The following KCTD20 variants were observed in gnomAD, a reference collection of about 807,000 sequenced individuals.
The protein encoded by KCTD20 is BTB/POZ domain-containing protein KCTD20.
A neutral mutation model predicts 39.6 loss-of-function variants in KCTD20; 30 were observed. The ratio of observed to expected loss-of-function variants is 0.76; its 90% CI spans 0.57 to 1.03. The LOEUF (loss-of-function observed/expected upper bound fraction) is 1.03. Among genes scored for constraint, KCTD20 ranks in the 50% least tolerant of loss-of-function variants. The probability of loss-of-function intolerance (pLI) is 0.00; values close to 1 mark genes in which losing one functional copy is unlikely to be tolerated. For missense variants in KCTD20, 422 were observed against 522.0 expected (o/e 0.81, Z 1.87); for synonymous variants, 162 against 180.6 (o/e 0.90, Z 0.83).
chr6:36,474,196 C>T (rs931742625), intron 2 of KCTD20, among the ~76,000 whole-genome samples: 2 of 151,594 alleles, frequency 1.3e-5, no homozygotes, highest in African/African-American at 4.8e-5. Flanking sequence ...CTAGCATTAG[C>T]TATATCTCCC....
At chr6:36,449,961 G>A (rs747038971) in intron 1 of KCTD20, among the ~76,000 whole-genome samples, 5 of 151,768 alleles carry the variant, frequency 3.3e-5, no homozygotes, top group Non-Finnish European at 5.9e-5. Flanking sequence ...TCAGGAGATC[G>A]AGACCATCAT....
chr6:36,458,601 T>G (rs1037613318), intron 1 of KCTD20, among the ~76,000 whole-genome samples: 1 of 151,286 alleles, frequency 6.6e-6, no homozygotes, highest in Non-Finnish European at 1.5e-5. Flanking sequence ...CAGGCTGGTC[T>G]TGAACTCCTG....
chr6:36,470,092 C>T lies in KCTD20; in HGVS notation c.-6C>T. 6.2e-7 allele frequency: 1 copy of T among 1,610,794 alleles called. No homozygotes were observed. The highest frequency in any genetic ancestry group is 8.5e-7 in the Non-Finnish European group (1 of 1,177,848). ...AAACGGACAGTTCAGGACTCAGAATCTAAGGATGAATGTTCACCGTGGCAG... is the reference window on the plus strand; with the variant it reads ...AAACGGACAGTTCAGGACTCAGAATTTAAGGATGAATGTTCACCGTGGCAG... On this transcript the variant is annotated 5_prime_UTR_variant, in exon 2 of 8. Coordinates refer to ENST00000373731, the MANE Select transcript of KCTD20 (RefSeq NM_173562.5).
rs1237681716 is a variant in KCTD20 at position 36,489,095 on chromosome 6, G to T, written c.*1920G>T. On this transcript the variant is annotated 3_prime_UTR_variant, in exon 8 of 8. Transcript: ENST00000373731. ...TACCAGTTGACTAGCCCAGATAATT[G>T]TTAAATGGTGCTTCTTTTCTGCTTC... The T allele has an allele frequency of 2.6e-5, 4 of 152,634 alleles. No individual in the cohort carries two copies. The highest frequency in any genetic ancestry group is 2.0e-4 in the Admixed American group (3 of 15,278). 9.5% of individuals were successfully genotyped at this position (152,634 alleles called of 1,614,324 possible).
chr6:36,481,594 G>C lies in KCTD20; in HGVS notation c.691G>C (p.Ala231Pro). 2 of 1,614,194 alleles carry C rather than the reference G, an allele frequency of 1.2e-6. No homozygotes were observed. Among genetic ancestry groups the C allele is most frequent in the Non-Finnish European group, 1.7e-6 (2 of 1,180,036 alleles). ...ALLHELSNDGAHKQFDHYLEE... is the reference protein window; with the variant it reads ...ALLHELSNDGPHKQFDHYLEE... ...ACTCCATGAACTGTCTAATGACGGT[G>C]CTCATAAGCAGTTTGATCACTACCT... Residue 231 changes from alanine (A) to proline (P), a missense_variant, in exon 6 of 8, where the codon GCT becomes CCT. Physicochemically the swap from Ala to Pro is conservative, Grantham distance 27 (BLOSUM62 -1). Transcript: ENST00000373731.
At chr6:36,478,903 G>A (rs1776151653) in intron 3 of KCTD20, among the ~76,000 whole-genome samples, 1 of 152,176 alleles carries the variant, frequency 6.6e-6, no homozygotes, top group Non-Finnish European at 1.5e-5. Context: ...ATTCTTCTTT[G>A]TACACAAATG....
intron 6 of KCTD20, among the ~76,000 whole-genome samples, 182 bp from the exon 7 acceptor site, chr6:36,484,532 C>T (rs908087737): frequency 6.6e-6 from 1 of 152,118 alleles, no homozygotes; most frequent in Non-Finnish European, 1.5e-5. Context: ...AGAAAGTCCC[C>T]ACCCTGAGAC....
chr6:36,444,620 T>C (rs1774983397), intron 1 of KCTD20, among the ~76,000 whole-genome samples: 1 of 152,212 alleles, frequency 6.6e-6, no homozygotes, highest in Admixed American at 6.5e-5. Flanking sequence ...ATCTGGTATG[T>C]AGCAGTACTA....
rs1775520575 is a variant in KCTD20 at position 36,458,945 on chromosome 6, T to G, written c.-46-11107T>G. ...GCTTGAGCCTGGGAGTCCAAGTCTG[T>G]TTTTTCTTTTTTTTATACTGACCAC... On this transcript the variant is annotated intron_variant, in intron 1 of 7. Coordinates refer to ENST00000373731, the MANE Select transcript of KCTD20 (RefSeq NM_173562.5). Among the ~76,000 whole-genome samples, 4 of 151,688 alleles carry G rather than the reference T, an allele frequency of 2.6e-5. No homozygotes were observed. In the South Asian group the frequency reaches 8.3e-4, roughly 31 times the overall value.
At chr6:36,455,996 TC>T (rs1775422725) in intron 1 of KCTD20, among the ~76,000 whole-genome samples, 1 of 152,226 alleles carries the variant, frequency 6.6e-6, no homozygotes, top group African/African-American at 2.4e-5. Context: ...TCACATCTTC[TC>T]TGTAGGAATT....
At chr6:36,477,199 C>T (rs181765791) in intron 3 of KCTD20, among the ~76,000 whole-genome samples, 1 of 152,268 alleles carries the variant, frequency 6.6e-6, no homozygotes, top group African/African-American at 2.4e-5. Context: ...AGATGTGGGC[C>T]ACTAGTCACA....
chr6:36,458,113 C>G (rs993039797), intron 1 of KCTD20, among the ~76,000 whole-genome samples: 1 of 152,130 alleles, frequency 6.6e-6, no homozygotes, highest in Non-Finnish European at 1.5e-5. Context: ...AAGGCAGTAG[C>G]ATGATCATGG....
chr6:36,460,773 T>G (rs1775579523), intron 1 of KCTD20, among the ~76,000 whole-genome samples: 1 of 152,084 alleles, frequency 6.6e-6, no homozygotes, highest in Non-Finnish European at 1.5e-5. Context: ...CAGCTTGAAA[T>G]CACATTTCCA....
intron 1 of KCTD20, chr6:36,443,472 T>G (rs1049735233): frequency 6.6e-6 from 1 of 152,214 alleles, no homozygotes; most frequent in Non-Finnish European, 1.5e-5. Flanking sequence ...GAGTGTTGAC[T>G]GGCAAAACAT....
rs186113137 is a variant in KCTD20, at chr6:36,458,504, G to T, written c.-46-11548G>T. ...TGCAGTGAGCCAAGAGCGTGCTACTGCACTCCACCCTGGGCAACAAGAGCA... is the reference window on the plus strand; with the variant it reads ...TGCAGTGAGCCAAGAGCGTGCTACTTCACTCCACCCTGGGCAACAAGAGCA... On this transcript the variant is annotated intron_variant, in intron 1 of 7. Coordinates refer to ENST00000373731, the MANE Select transcript of KCTD20 (RefSeq NM_173562.5). Among the ~76,000 whole-genome samples, 8 of 139,568 alleles carry T rather than the reference G, an allele frequency of 5.7e-5. No individual in the cohort carries two copies. In the Admixed American group the frequency reaches 6.1e-4, roughly 11 times the overall value. 91.6% of individuals were successfully genotyped at this position (139,568 alleles called of 152,430 possible).
chr6:36,470,180 C>G lies in KCTD20; in HGVS notation c.83C>G (p.Ala28Gly). Residue 28 changes from alanine to glycine, a missense_variant, in exon 2 of 8, where the codon GCC becomes GGC. Physicochemically the swap from Ala to Gly is moderately conservative, Grantham distance 60. Transcript: ENST00000373731. ...TTAGTGGATGATACTTTAGCTGTAG[C>G]CCAAGAAAAAGAAGCAAACAGCCTG... ...SCLVDDTLAV[A>G]QEKEANSLAS... is the part of the protein sequence containing the mutation. The G allele has an allele frequency of 6.2e-7, 1 of 1,613,970 alleles. No homozygotes were observed. Among genetic ancestry groups the G allele is most frequent in the Non-Finnish European group, 8.5e-7 (1 of 1,179,924 alleles).
At chr6:36,482,577 A>G (rs998994588) in intron 6 of KCTD20, among the ~76,000 whole-genome samples, 17 of 151,998 alleles carry the variant, frequency 1.1e-4, no homozygotes, top group Non-Finnish European at 2.5e-4. Flanking sequence ...AAAATCTTCA[A>G]CATTCTTTTT....
intron 1 of KCTD20, chr6:36,451,198 T>C (rs1209439097): frequency 4.6e-5 from 7 of 152,196 alleles, no homozygotes; most frequent in African/African-American, 1.7e-4. Flanking sequence ...TAGTGTGCCA[T>C]GGAACCTAGT....
At chr6:36,466,217 C>T (rs1775748969) in intron 1 of KCTD20, among the ~76,000 whole-genome samples, 1 of 151,544 alleles carries the variant, frequency 6.6e-6, no homozygotes, top group African/African-American at 2.4e-5. Flanking sequence ...TGCACACCAC[C>T]ACACCCAGCT....
Sources: allele counts gnomAD v4.1 joint callset (sites outside exome capture counted in the v4.1 genomes callset), GRCh38; gene constraint gnomAD v4.1.1; transcripts MANE v1.5; gene names NCBI Gene and HGNC (gene_info 2026-07-23, HGNC 2026-07-21).